NAV3: variants seen among roughly 807,000 people sequenced by gnomAD.
The protein encoded by NAV3 is pore membrane and/or filament interacting like protein 1.
NAV3 carries 87 observed loss-of-function variants against 244.7 expected under a neutral mutation model. The ratio of observed to expected loss-of-function variants is 0.36; its 90% CI spans 0.30 to 0.42. The LOEUF is 0.42. Ranked by LOEUF, NAV3 falls within the 20% of genes least tolerant of loss-of-function variation. The pLI is 1.00. For synonymous variants in NAV3, 1,126 were observed against 1,042.2 expected, an observed-to-expected ratio of 1.08 and a Z score of -1.55; for missense variants, 2,663 against 2,893.3, an observed-to-expected ratio of 0.92 and a Z score of 1.83.
intron 1 of NAV3, among the ~76,000 whole-genome samples, chr12:77,932,819 C>T (rs1428465263): frequency 6.6e-6 from 1 of 152,162 alleles, no homozygotes; most frequent in East Asian, 1.9e-4. Flanking sequence ...GATTCCTGGC[C>T]TCTTCCTTTA....
At chr12:78,101,001 G>A (rs1392824231) in intron 12 of NAV3, among the ~76,000 whole-genome samples, 1 of 152,102 alleles carries the variant, frequency 6.6e-6, no homozygotes. Context: ...CTTCTCTGGA[G>A]TTTTCTTCTC....
At chr12:77,897,343 A>C (rs1884741878) in intron 1 of NAV3, among the ~76,000 whole-genome samples, 1 of 152,218 alleles carries the variant, frequency 6.6e-6, no homozygotes, top group Non-Finnish European at 1.5e-5. Flanking sequence ...TGATTAGTGC[A>C]CACTAGCACA....
intron 1 of NAV3, among the ~76,000 whole-genome samples, chr12:77,914,925 T>G (rs1886977302): frequency 6.6e-6 from 1 of 151,944 alleles, no homozygotes; most frequent in Non-Finnish European, 1.5e-5. Flanking sequence ...AATCAGTTAT[T>G]TAAATGGTTT....
chr12:77,789,835 A>AG (rs1871102711), intron 2 of NAV3, among the ~76,000 whole-genome samples: 2 of 144,134 alleles, frequency 1.4e-5, no homozygotes, highest in Admixed American at 7.2e-5. Context: ...AAAAAAAAAA[A>AG]AGAGAACAAG....
Position 77,722,673 on chromosome 12 carries a change from T to G in NAV3, c.72+150407T>G, listed in dbSNP as rs182871273. ...AAGTTCTTTGGAGTCTTTTGAAGAG[T>G]GTCCAGGCTGTTTCCATGCTTTGTT... On this transcript the variant is annotated intron_variant, in intron 2 of 8. Transcript: ENST00000550042. 7.1e-4 allele frequency among the ~76,000 whole-genome samples: 108 copies of G among 152,130 alleles called. 2 individuals are homozygous for G. Among genetic ancestry groups the G allele is most frequent in the African/African-American group, 2.3e-3 (96 of 41,550 alleles).
At chr12:77,728,101 C>T (rs928400201) in intron 2 of NAV3, among the ~76,000 whole-genome samples, 1 of 151,908 alleles carries the variant, frequency 6.6e-6, no homozygotes, top group Non-Finnish European at 1.5e-5. Context: ...CGATTCCATC[C>T]TAGTAGACAT....
intron 3 of NAV3, among the ~76,000 whole-genome samples, chr12:77,959,374 T>C (rs949286108): frequency 6.6e-6 from 1 of 152,044 alleles, no homozygotes; most frequent in Admixed American, 6.6e-5. Context: ...TACAGATAAT[T>C]CTCAGGAAAC....
intron 21 of NAV3, among the ~76,000 whole-genome samples, chr12:78,148,003 G>T (rs1007209356): frequency 6.6e-6 from 1 of 152,042 alleles, no homozygotes; most frequent in Non-Finnish European, 1.5e-5. Context: ...AGAACAAACT[G>T]CAGAAAGTGC....
At chr12:77,675,044 C>T (rs767006417) in intron 2 of NAV3, among the ~76,000 whole-genome samples, 32 of 152,040 alleles carry the variant, frequency 2.1e-4, no homozygotes, top group Admixed American at 2.6e-4. Flanking sequence ...ATAGAGCATA[C>T]GGTAAGTGCA....
intron 2 of NAV3, among the ~76,000 whole-genome samples, chr12:77,791,468 G>A (rs1211225534): frequency 1.3e-5 from 2 of 151,784 alleles, no homozygotes; most frequent in African/African-American, 4.8e-5. Flanking sequence ...TATTAAACAA[G>A]ACCCGTGATA....
At chr12:77,616,155 C>A (rs1038293610) in intron 2 of NAV3, among the ~76,000 whole-genome samples, 6 of 152,092 alleles carry the variant, frequency 3.9e-5, no homozygotes, top group Non-Finnish European at 7.4e-5. Context: ...CTCCTGTAAT[C>A]CCAGCACTTT....
At chr12:77,841,694 A>G (rs2136170553) in intron 1 of NAV3, among the ~76,000 whole-genome samples, 1 of 152,310 alleles carries the variant, frequency 6.6e-6, no homozygotes, top group East Asian at 1.9e-4. Context: ...GTCACAATAG[A>G]GACTATGTGG....
intron 2 of NAV3, among the ~76,000 whole-genome samples, chr12:77,782,955 T>C (rs1241536526): frequency 4.6e-5 from 7 of 152,146 alleles, no homozygotes; most frequent in Non-Finnish European, 8.8e-5. Flanking sequence ...ACAGGCTCTC[T>C]GGGGCGTGAG....
intron 16 of NAV3, among the ~76,000 whole-genome samples, chr12:78,126,829 A>T (rs201991007): frequency 3.9e-5 from 6 of 152,216 alleles, no homozygotes; most frequent in African/African-American, 9.6e-5. Context: ...ATGTGATATC[A>T]TAGCAAAAGT....
chr12:77,778,263 C>T (rs1278498048), intron 2 of NAV3, among the ~76,000 whole-genome samples: 2 of 149,524 alleles, frequency 1.3e-5, no homozygotes, highest in Non-Finnish European at 3.0e-5. Context: ...CCCGTCCTTG[C>T]TTCCTTTCCT....
At chr12:78,009,100 T>A (rs1226679969) in intron 8 of NAV3, among the ~76,000 whole-genome samples, 3 of 152,156 alleles carry the variant, frequency 2.0e-5, no homozygotes, top group Admixed American at 6.5e-5. Flanking sequence ...TTTAAAAAAA[T>A]TGTTTGCAAT....
At chr12:77,692,622 C>T (rs1875087573) in intron 2 of NAV3, among the ~76,000 whole-genome samples, 2 of 152,064 alleles carry the variant, frequency 1.3e-5, no homozygotes, top group Non-Finnish European at 2.9e-5. Context: ...TGCTGAGCTG[C>T]TACCAATGCC....
chr12:78,033,010 A>G (rs946183122), intron 9 of NAV3, among the ~76,000 whole-genome samples: 12 of 152,280 alleles, frequency 7.9e-5, no homozygotes, highest in South Asian at 6.2e-4. Context: ...AAAAATGTTC[A>G]TAGGTGCTGG....
chr12:78,059,961 A>T, intron 12 of NAV3, among the ~76,000 whole-genome samples: 1 of 149,670 alleles, frequency 6.7e-6, no homozygotes, highest in Non-Finnish European at 1.5e-5. Context: ...TTTCTTAAAG[A>T]TGTGTGTGTG....
Sources: allele counts gnomAD v4.1 joint callset (sites outside exome capture counted in the v4.1 genomes callset), GRCh38; gene constraint gnomAD v4.1.1; transcripts MANE v1.5; gene names NCBI Gene and HGNC (gene_info 2026-07-23, HGNC 2026-07-21).